The following GABRG3 variants were observed in gnomAD, a reference collection of about 807,000 sequenced individuals.
GABRG3 encodes the protein gamma-aminobutyric acid receptor subunit gamma-3.
GABRG3 carries 25 observed loss-of-function variants against 48.8 expected under a neutral mutation model. That is an observed-to-expected ratio of 0.51 (90% CI 0.37 to 0.72). The LOEUF is 0.72. Among genes scored for constraint, GABRG3 ranks in the 30% least tolerant of loss-of-function variants. GABRG3 has a pLI of 0.00. For missense variants in GABRG3, 394 were observed against 577.9 expected (o/e 0.68, Z 3.26); for synonymous variants, 227 against 217.6 (o/e 1.04, Z -0.38).
chr15:27,388,947 A>T (rs1176256613), intron 5 of GABRG3, among the ~76,000 whole-genome samples: 1 of 152,196 alleles, frequency 6.6e-6, no homozygotes, highest in African/African-American at 2.4e-5. Context: ...TTTGCTAGTT[A>T]CACAATCCAA....
rs1891599534 is a variant in GABRG3, at chr15:27,538,539, C to T, written c.*5658C>T. ...CCACTTCACTTTTCACATTTGTAAA[C>T]ACACACAGGGTTTTTCCAGCCCAGT... is the stretch of plus-strand genomic sequence containing the variant. On this transcript the variant is annotated 3_prime_UTR_variant, in exon 10 of 10. Transcript: ENST00000615808. 1.3e-5 allele frequency: 2 copies of T among 152,202 alleles called. No individual in the cohort carries two copies. The highest frequency in any genetic ancestry group is 6.5e-5 in the Admixed American group (1 of 15,288). The allele number at this position is 152,202 out of a possible 1,614,324, so 9.4% of individuals were successfully genotyped here.
At chr15:27,337,341 G>A (rs548446406) in intron 5 of GABRG3, among the ~76,000 whole-genome samples, 15 of 152,318 alleles carry the variant, frequency 9.8e-5, no homozygotes, top group African/African-American at 3.4e-4. Flanking sequence ...AACAGGTGGA[G>A]TTAATTTTAC....
chr15:27,332,931 A>G (rs1279790470), intron 5 of GABRG3, among the ~76,000 whole-genome samples: 2 of 152,230 alleles, frequency 1.3e-5, no homozygotes, highest in South Asian at 2.1e-4. Flanking sequence ...AAAATTTCCT[A>G]TAGCACTTTC....
At chr15:27,431,425 G>A (rs899914772) in intron 5 of GABRG3, among the ~76,000 whole-genome samples, 2 of 151,818 alleles carry the variant, frequency 1.3e-5, no homozygotes, top group Non-Finnish European at 2.9e-5. Context: ...GTTTTTTTGT[G>A]GATTCATTAG....
chr15:27,376,162 C>T (rs1384399617), intron 5 of GABRG3, among the ~76,000 whole-genome samples: 1 of 152,218 alleles, frequency 6.6e-6, no homozygotes, highest in Non-Finnish European at 1.5e-5. Flanking sequence ...AAAATAATCT[C>T]CTTTGACTCC....
chr15:27,033,402 T>C (rs1896121577), intron 3 of GABRG3, among the ~76,000 whole-genome samples: 1 of 152,104 alleles, frequency 6.6e-6, no homozygotes. Context: ...ATTTGGAAAT[T>C]TAAGTTTAGG....
At chr15:27,531,551 C>G (rs527349239) in intron 9 of GABRG3, among the ~76,000 whole-genome samples, 1 of 152,354 alleles carries the variant, frequency 6.6e-6, no homozygotes, top group Middle Eastern at 3.4e-3. Context: ...GGTTCCCTCT[C>G]CACCTCCTCC....
At chr15:27,527,656 G>A (rs771612089) in intron 8 of GABRG3, 27 bp downstream of exon 8, 149 of 1,570,068 alleles carry the variant, frequency 9.5e-5, no homozygotes, top group Non-Finnish European at 1.2e-4. Flanking sequence ...AAGGTTCTCC[G>A]GGAGGTAATG....
chr15:27,416,432 A>G (rs1047251441), intron 5 of GABRG3, among the ~76,000 whole-genome samples: 2 of 152,148 alleles, frequency 1.3e-5, no homozygotes, highest in South Asian at 2.1e-4. Flanking sequence ...CTGTGTTTGA[A>G]CAGTATCTGC....
At chr15:27,370,207 G>A (rs936677078) in intron 5 of GABRG3, among the ~76,000 whole-genome samples, 41 of 152,152 alleles carry the variant, frequency 2.7e-4, no homozygotes, top group African/African-American at 8.9e-4. Flanking sequence ...TGAAGTATTT[G>A]CCTGGGTGAT....
At chr15:27,029,829 C>T (rs778595420) in intron 3 of GABRG3, among the ~76,000 whole-genome samples, 6 of 152,194 alleles carry the variant, frequency 3.9e-5, no homozygotes, top group African/African-American at 9.6e-5. Context: ...GCAGGGGCCT[C>T]GGGGACCACT....
At chr15:27,003,802 G>A in intron 2 of GABRG3, among the ~76,000 whole-genome samples, 1 of 151,116 alleles carries the variant, frequency 6.6e-6, no homozygotes, top group Admixed American at 6.6e-5. Flanking sequence ...GGGGCGGCTG[G>A]GCAGAGGCGC....
intron 2 of GABRG3, among the ~76,000 whole-genome samples, chr15:27,024,133 T>G (rs1431066412): frequency 6.6e-6 from 1 of 152,164 alleles, no homozygotes; most frequent in Non-Finnish European, 1.5e-5. Context: ...TCTATTTACG[T>G]TTTTTTGCCA....
chr15:27,506,277 A>G (rs560225283), intron 6 of GABRG3, among the ~76,000 whole-genome samples: 48 of 152,334 alleles, frequency 3.2e-4, no homozygotes, highest in African/African-American at 1.0e-3. Flanking sequence ...GAGACAGTTG[A>G]ATTTAAGACA....
intron 3 of GABRG3, among the ~76,000 whole-genome samples, chr15:27,287,489 CT>C (rs1891651426): frequency 6.6e-6 from 1 of 152,136 alleles, no homozygotes; most frequent in Admixed American, 6.5e-5. Context: ...ACTCGTATAT[CT>C]TCCTGAAAGA....
At chr15:27,387,090 T>A (rs1330957839) in intron 5 of GABRG3, among the ~76,000 whole-genome samples, 1 of 152,130 alleles carries the variant, frequency 6.6e-6, no homozygotes, top group East Asian at 1.9e-4. Flanking sequence ...ACCCAGAATC[T>A]CCAAATATAC....
chr15:27,085,445 A>G (rs72718125), intron 3 of GABRG3, among the ~76,000 whole-genome samples: 1 of 152,184 alleles, frequency 6.6e-6, no homozygotes, highest in South Asian at 2.1e-4. Context: ...ACTTTTAGGA[A>G]TATTTCTCTG....
intron 5 of GABRG3, among the ~76,000 whole-genome samples, chr15:27,372,190 T>C (rs1431974585): frequency 7.9e-5 from 12 of 152,148 alleles, no homozygotes; most frequent in Admixed American, 7.9e-4. Flanking sequence ...TTATTCTGAC[T>C]TCATTTTTAA....
intron 3 of GABRG3, among the ~76,000 whole-genome samples, chr15:27,306,484 A>G (rs1334940934): frequency 7.1e-6 from 1 of 140,018 alleles, no homozygotes; most frequent in Non-Finnish European, 1.5e-5. Context: ...ATATAAACAT[A>G]TATATAATAT....
Sources: gnomAD v4.1 joint callset for allele counts (sites outside exome capture counted in the v4.1 genomes callset) on GRCh38, gnomAD v4.1.1 for gene constraint, MANE v1.5 for transcripts, NCBI Gene and HGNC (gene_info 2026-07-23, HGNC 2026-07-21) for gene names.